Variants in TMEM132E observed in about 807,000 individuals in gnomAD.
TMEM132E encodes the protein transmembrane protein 132E.
TMEM132E carries 49 observed loss-of-function variants against 78.5 expected under a neutral mutation model. The observed-to-expected ratio is 0.62, with a 90% CI of 0.50 to 0.79. The LOEUF (loss-of-function observed/expected upper bound fraction) is 0.79, where lower values mean the gene tolerates loss of function less well. Among genes scored for constraint, TMEM132E ranks in the 30% least tolerant of loss-of-function variants. TMEM132E has a pLI of 0.00. For synonymous variants in TMEM132E, 715 were observed against 670.6 expected (o/e 1.07, Z -1.02); for missense variants, 1,403 against 1,470.9 (o/e 0.95, Z 0.75).
intron 1 of TMEM132E, among the ~76,000 whole-genome samples, chr17:34,618,512 G>A (rs1906855670): frequency 6.6e-6 from 1 of 151,956 alleles, no homozygotes. Flanking sequence ...AATTATAGGA[G>A]TAAGCCACCA....
intron 1 of TMEM132E, 87 bp downstream of exon 1, chr17:34,581,230 C>T (rs892481148): frequency 4.0e-6 from 5 of 1,234,794 alleles, no homozygotes; most frequent in South Asian, 3.4e-5. Flanking sequence ...GGAGCACCCA[C>T]ACCCCCTGGA....
At position 34,637,478 on chromosome 17, in the gene TMEM132E, A is replaced by T. The variant is rs1346232840; in HGVS notation, c.2471A>T (p.Tyr824Phe). The T allele has an allele frequency of 1.9e-6, 3 of 1,609,968 alleles. No individual in the cohort carries two copies. Among genetic ancestry groups the T allele is most frequent in the Non-Finnish European group, 2.5e-6 (3 of 1,178,894 alleles). ...GRDEEDPTYD[Y>F]PGPSQPGPGG... The stretch of plus-strand genomic sequence containing the variant: ...GACGAGGAGGACCCCACTTATGACT[A>T]CCCGGGCCCCAGCCAACCAGGGCCC... Residue 824 changes from tyrosine to phenylalanine, a missense_variant, in exon 9 of 9, where the codon TAC becomes TTC. Tyr to Phe is a conservative substitution (Grantham distance 22, BLOSUM62 3). Around this residue, in one of 3 missense-constraint regions of TMEM132E, gnomAD observed 888 missense variants for 952.8 expected, o/e 0.93. Coordinates refer to ENST00000631683, the MANE Select transcript of TMEM132E (RefSeq NM_001304438.2).
chr17:34,617,526 AAC>A (rs1906823296), intron 1 of TMEM132E, among the ~76,000 whole-genome samples: 1 of 152,242 alleles, frequency 6.6e-6, no homozygotes, highest in African/African-American at 2.4e-5. Context: ...TGAATGAATG[AAC>A]GAATGAACAC....
chr17:34,638,269 A>AC lies in TMEM132E; in HGVS notation c.*38dup. ...GGAGTAGCAGGGACCCCCCCCCCCA[A>AC]CGGGGTCAGCTCGGGGTAGGACACA... On this transcript the variant is annotated 3_prime_UTR_variant, in exon 9 of 9. Coordinates refer to ENST00000631683, the MANE Select transcript of TMEM132E (RefSeq NM_001304438.2). 1 of 1,409,294 alleles carries AC rather than the reference A, an allele frequency of 7.1e-7. No homozygotes were observed. The highest frequency in any genetic ancestry group is 9.5e-7 in the Non-Finnish European group (1 of 1,049,912). The allele number at this position is 1,409,294 out of a possible 1,614,324, so 87.3% of individuals were successfully genotyped here.
At chr17:34,591,569 C>T (rs1162261386) in intron 1 of TMEM132E, among the ~76,000 whole-genome samples, 2 of 152,222 alleles carry the variant, frequency 1.3e-5, no homozygotes, top group African/African-American at 4.8e-5. Context: ...CCTTGGCCTC[C>T]CAAAGTGTTG....
chr17:34,603,137 A>G (rs1209185709), intron 1 of TMEM132E, among the ~76,000 whole-genome samples: 1 of 152,142 alleles, frequency 6.6e-6, no homozygotes, highest in Non-Finnish European at 1.5e-5. Context: ...GCTGACAGAA[A>G]GTGGGATGGG....
intron 1 of TMEM132E, among the ~76,000 whole-genome samples, chr17:34,623,080 G>A (rs1308873244): frequency 6.6e-6 from 1 of 152,156 alleles, no homozygotes; most frequent in Non-Finnish European, 1.5e-5. Flanking sequence ...AGGCCCTGGG[G>A]TAGAAATATT....
intron 1 of TMEM132E, among the ~76,000 whole-genome samples, chr17:34,590,646 G>C (rs1905837958): frequency 6.6e-6 from 1 of 152,192 alleles, no homozygotes; most frequent in Admixed American, 6.5e-5. Flanking sequence ...CGAACTCTCA[G>C]AGTCTTGGTG....
chr17:34,633,346 A>G (rs1438093348), intron 6 of TMEM132E, among the ~76,000 whole-genome samples: 1 of 152,266 alleles, frequency 6.6e-6, no homozygotes, highest in African/African-American at 2.4e-5. Flanking sequence ...GACTGCCTGC[A>G]GTCAGGCAGA....
At chr17:34,613,216 C>CGCGCGCGT (rs1906665709) in intron 1 of TMEM132E, among the ~76,000 whole-genome samples, 1 of 150,280 alleles carries the variant, frequency 6.7e-6, no homozygotes, top group Non-Finnish European at 1.5e-5. Context: ...CACACACGCG[C>CGCGCGCGT]GCGCGCGCGC....
chr17:34,614,964 A>G (rs1250396720), intron 1 of TMEM132E, among the ~76,000 whole-genome samples: 1 of 152,146 alleles, frequency 6.6e-6, no homozygotes, highest in Non-Finnish European at 1.5e-5. Context: ...ATCTCCCAGG[A>G]CCAGGGAACC....
intron 6 of TMEM132E, among the ~76,000 whole-genome samples, chr17:34,633,714 G>A (rs548653604): frequency 6.6e-5 from 10 of 152,376 alleles, no homozygotes; most frequent in African/African-American, 1.7e-4. Context: ...GAAGAGTAAG[G>A]TGTGTAGACC....
In TMEM132E at chr17:34,638,887, C is replaced by A. The variant is rs1279514309; in HGVS notation, c.*655C>A. ...CAGGCACCTTCCTGAGTTCTCAGGA[C>A]TCCCACCTCTGCCCCAAGGGCTTTG... On this transcript the variant is annotated 3_prime_UTR_variant, in exon 9 of 9. Coordinates refer to ENST00000631683, the MANE Select transcript of TMEM132E (RefSeq NM_001304438.2). 1 of 152,498 alleles carries A rather than the reference C, an allele frequency of 6.6e-6. No homozygotes were observed. Among genetic ancestry groups the A allele is most frequent in the Non-Finnish European group, 1.5e-5 (1 of 68,044 alleles). 9.4% of individuals were successfully genotyped at this position (152,498 alleles called of 1,614,324 possible).
chr17:34,637,591 C>G lies in TMEM132E; in HGVS notation c.2584C>G (p.Pro862Ala), dbSNP rs1017514287. ...GGCTCCAGGCCCGGGCACCGCCAGC[C>G]CCGTCGTGCCACCCACAGAAGACTT... is the stretch of plus-strand genomic sequence containing the variant. ...PEAPGPGTASPVVPPTEDFLP... is the reference protein window; with the variant it reads ...PEAPGPGTASAVVPPTEDFLP... The change falls in exon 9 of 9, where the codon CCC becomes GCC. Residue 862 changes from proline to alanine, a missense_variant. This residue lies in a region of TMEM132E where 888 missense variants were observed against 952.8 expected (regional missense o/e 0.93). Transcript: ENST00000631683. 3.7e-6 allele frequency: 6 copies of G among 1,600,972 alleles called. No individual in the cohort carries two copies. Among genetic ancestry groups the G allele is most frequent in the Middle Eastern group, 1.7e-4 (1 of 6,036 alleles).
chr17:34,625,952 C>G (rs1317495383), intron 1 of TMEM132E, among the ~76,000 whole-genome samples, 175 bp from the exon 2 acceptor site: 3 of 152,190 alleles, frequency 2.0e-5, no homozygotes, highest in Non-Finnish European at 2.9e-5. Context: ...GCTCTGGGAG[C>G]CAGGCCTGAG....
rs771324019 is a variant in TMEM132E, at chr17:34,634,796, C to G, written c.1689-3C>G. On this transcript the variant is annotated splice_polypyrimidine_tract_variant and splice_region_variant and intron_variant, in intron 6 of 8. Transcript: ENST00000631683. The stretch of plus-strand genomic sequence containing the variant: ...CCTTCAGCATGGCATGTCCCCACCC[C>G]AGGTCAGTCCGGGAAAGCGAGGATG... The G allele has an allele frequency of 1.9e-6, 3 of 1,610,536 alleles. No individual in the cohort carries two copies. The highest frequency in any genetic ancestry group is 2.5e-6 in the Non-Finnish European group (3 of 1,178,282).
chr17:34,627,505 T>TGTGTGTGTGTGTGTGTGTGTGTGTGTG (rs59547151), intron 2 of TMEM132E, among the ~76,000 whole-genome samples: 32 of 148,936 alleles, frequency 2.1e-4, no homozygotes, highest in Non-Finnish European at 3.1e-4. Flanking sequence ...TGTGTGTGTG[T>TGTGTGTGTGTGTGTGTGTGTGTGTGTG]TTTGGGACAT....
intron 1 of TMEM132E, among the ~76,000 whole-genome samples, chr17:34,596,280 C>T (rs932569280): frequency 6.6e-6 from 1 of 152,242 alleles, no homozygotes; most frequent in African/African-American, 2.4e-5. Flanking sequence ...AAACATCTTA[C>T]ACCATGTAAG....
chr17:34,630,729 A>G (rs1441568462), intron 5 of TMEM132E, among the ~76,000 whole-genome samples: 1 of 152,112 alleles, frequency 6.6e-6, no homozygotes, highest in Non-Finnish European at 1.5e-5. Context: ...CACTCCCGGC[A>G]CACACGCTCC....
Sources: gnomAD v4.1 joint callset for allele counts (sites outside exome capture counted in the v4.1 genomes callset) on GRCh38, gnomAD v4.1.1 for gene constraint, gnomAD v4.1.1 regional missense constraint, MANE v1.5 for transcripts, NCBI Gene and HGNC (gene_info 2026-07-23, HGNC 2026-07-21) for gene names.